F13A1: variants seen among roughly 807,000 people sequenced by gnomAD.
F13A1 encodes coagulation factor XIII A chain.
F13A1 carries 47 observed loss-of-function variants against 80.1 expected under a neutral mutation model. That is an observed-to-expected ratio of 0.59 (90% CI 0.46 to 0.75). The LOEUF is 0.75. F13A1 is among the 30% of genes least tolerant of loss of function. The probability of loss-of-function intolerance (pLI) is 0.00; values close to 1 mark genes in which losing one functional copy is unlikely to be tolerated. For missense variants in F13A1, 817 were observed against 930.4 expected (o/e 0.88, Z 1.59); for synonymous variants, 349 against 344.9 (o/e 1.01, Z -0.13).
intron 8 of F13A1, among the ~76,000 whole-genome samples, chr6:6,215,279 C>T (rs1761702634): frequency 1.6e-5 from 2 of 126,274 alleles, no homozygotes; most frequent in Admixed American, 7.9e-5. Context: ...CAAAAATCCT[C>T]AATAAAATAC....
intron 3 of F13A1, among the ~76,000 whole-genome samples, chr6:6,292,585 C>T (rs1758238824): frequency 6.6e-6 from 1 of 152,154 alleles, no homozygotes; most frequent in African/African-American, 2.4e-5. Context: ...TCACTCCCAC[C>T]CTGAAAACAC....
chr6:6,176,956 A>G (rs1760891868), intron 11 of F13A1, among the ~76,000 whole-genome samples: 1 of 152,162 alleles, frequency 6.6e-6, no homozygotes, highest in South Asian at 2.1e-4. Context: ...CTGTGAGCGG[A>G]GACCGCCAAA....
chr6:6,173,245 C>A (rs559192722), intron 12 of F13A1, among the ~76,000 whole-genome samples: 1 of 152,084 alleles, frequency 6.6e-6, no homozygotes, highest in East Asian at 1.9e-4. Context: ...GCACGTGGAC[C>A]CTGATCTGCT....
intron 10 of F13A1, among the ~76,000 whole-genome samples, chr6:6,195,031 T>C (rs1464491004): frequency 1.3e-5 from 2 of 152,240 alleles, no homozygotes; most frequent in Non-Finnish European, 2.9e-5. Context: ...GGTGCAAATA[T>C]ACCCTGGGGA....
At chr6:6,154,060 A>G (rs531744661) in intron 13 of F13A1, among the ~76,000 whole-genome samples, 50 of 150,230 alleles carry the variant, frequency 3.3e-4, no homozygotes, top group African/African-American at 1.2e-3. Flanking sequence ...TCTAAGATAG[A>G]GTGCTACTCT....
chr6:6,205,448 G>T (rs1761469145), intron 8 of F13A1, among the ~76,000 whole-genome samples: 1 of 152,198 alleles, frequency 6.6e-6, no homozygotes, highest in Non-Finnish European at 1.5e-5. Context: ...TACCAGTCCA[G>T]ATGTCCTCAC....
At chr6:6,258,686 T>A (rs555648858) in intron 4 of F13A1, among the ~76,000 whole-genome samples, 20 of 152,310 alleles carry the variant, frequency 1.3e-4, no homozygotes, top group African/African-American at 4.6e-4. Context: ...AAAAGCATAA[T>A]AAGTCTCTAA....
chr6:6,207,357 C>A lies in F13A1; in HGVS notation c.1113-10031G>T, dbSNP rs188390604. ...GCTTGTTTTTATTTGATCTGATTCACAGCTCATTCTGAATCAGCCCTATTC... is the reference window on the plus strand; with the variant it reads ...GCTTGTTTTTATTTGATCTGATTCAAAGCTCATTCTGAATCAGCCCTATTC... On this transcript the variant is annotated intron_variant, in intron 8 of 14. Coordinates refer to ENST00000264870, the MANE Select transcript of F13A1 (RefSeq NM_000129.4). 9.8e-4 allele frequency among the ~76,000 whole-genome samples: 149 copies of A among 152,302 alleles called. 2 individuals are homozygous for A. The highest frequency in any genetic ancestry group is 1.4e-3 in the Non-Finnish European group (97 of 68,014).
At chr6:6,248,167 A>G (rs1757579055) in intron 6 of F13A1, 145 bp downstream of exon 6, 1 of 740,930 alleles carries the variant, frequency 1.3e-6, no homozygotes, top group Non-Finnish European at 2.4e-6. Context: ...TCCAGGAGCT[A>G]TAACTGGGTG....
Position 6,295,453 on chromosome 6 carries a change from G to A in F13A1, c.319+9898C>T, listed in dbSNP as rs1428576531. On this transcript the variant is annotated intron_variant, in intron 3 of 14. Coordinates refer to ENST00000264870, the MANE Select transcript of F13A1 (RefSeq NM_000129.4). ...ATTGCCATTCTAACTGGTGTGAGATGGCATCTCATTGTGGTTTTGATTTGC... is the reference window on the plus strand; with the variant it reads ...ATTGCCATTCTAACTGGTGTGAGATAGCATCTCATTGTGGTTTTGATTTGC... 4.0e-5 allele frequency among the ~76,000 whole-genome samples: 6 copies of A among 148,254 alleles called. 1 individual carries two copies. Among genetic ancestry groups the A allele is most frequent in the Non-Finnish European group, 1.5e-5 (1 of 67,610 alleles).
chr6:6,180,516 A>T (rs189780261), intron 11 of F13A1, among the ~76,000 whole-genome samples: 79 of 152,316 alleles, frequency 5.2e-4, no homozygotes, highest in Admixed American at 4.8e-3. Flanking sequence ...CTTTTCTATG[A>T]ACTTGCTTTT....
intron 4 of F13A1, among the ~76,000 whole-genome samples, chr6:6,257,258 T>C (rs1393470448): frequency 6.6e-6 from 1 of 152,176 alleles, no homozygotes; most frequent in Non-Finnish European, 1.5e-5. Flanking sequence ...GGGTGGCAGA[T>C]TCTAACAGGC....
chr6:6,266,419 G>C, intron 4 of F13A1, 139 bp downstream of exon 4: 1 of 1,284,034 alleles, frequency 7.8e-7, no homozygotes, highest in Non-Finnish European at 1.1e-6. Context: ...TTATTTTTTA[G>C]AGACTAGGTC....
At chr6:6,242,788 T>G (rs925688811) in intron 6 of F13A1, among the ~76,000 whole-genome samples, 1 of 152,200 alleles carries the variant, frequency 6.6e-6, no homozygotes, top group South Asian at 2.1e-4. Flanking sequence ...AAGGGTTTCT[T>G]CAAATAATAG....
In F13A1 at chr6:6,177,750, T is replaced by C. The variant is rs144343482; in HGVS notation, c.1460-2883A>G. On this transcript the variant is annotated intron_variant, in intron 11 of 14. Transcript: ENST00000264870. ...CCCTCACTGGTGCAGAAGGAACACG[T>C]GAAGAGCAATGGCAGCACACAGGTG... is the stretch of plus-strand genomic sequence containing the variant. 8.6e-4 allele frequency among the ~76,000 whole-genome samples: 131 copies of C among 152,158 alleles called. 1 individual carries two copies. Among genetic ancestry groups the C allele is most frequent in the African/African-American group, 2.8e-3 (117 of 41,506 alleles).
chr6:6,272,367 T>A (rs961962957), intron 3 of F13A1, among the ~76,000 whole-genome samples: 2 of 152,158 alleles, frequency 1.3e-5, no homozygotes, highest in African/African-American at 2.4e-5. Flanking sequence ...ACCTCTCTCA[T>A]GCCTAGGACC....
At chr6:6,163,963 C>T (rs1760619269) in intron 13 of F13A1, among the ~76,000 whole-genome samples, 1 of 151,670 alleles carries the variant, frequency 6.6e-6, no homozygotes, top group South Asian at 2.1e-4. Context: ...TCTCCACAAC[C>T]CCACGAGTAC....
At chr6:6,173,614 G>T (rs1760816255) in intron 12 of F13A1, among the ~76,000 whole-genome samples, 1 of 151,728 alleles carries the variant, frequency 6.6e-6, no homozygotes, top group Non-Finnish European at 1.5e-5. Context: ...CACCATGTTA[G>T]TCAGGCTGGT....
rs569645585 is a variant in F13A1, at chr6:6,192,941, G to A, written c.1305+2856C>T. On this transcript the variant is annotated intron_variant, in intron 10 of 14. Coordinates refer to ENST00000264870, the MANE Select transcript of F13A1 (RefSeq NM_000129.4). Reference sequence around the variant, plus strand: ...GAGTTCTTCACTAAGAACCCCTGAGGGCTTCGTGAACATGGAATCTTGGAA... The same window carrying A: ...GAGTTCTTCACTAAGAACCCCTGAGAGCTTCGTGAACATGGAATCTTGGAA... Among the ~76,000 whole-genome samples the A allele has an allele frequency of 2.0e-5, 3 of 152,216 alleles. No individual in the cohort carries two copies. In the South Asian group the frequency reaches 6.2e-4, roughly 32 times the overall value.
Sources: allele counts gnomAD v4.1 joint callset (sites outside exome capture counted in the v4.1 genomes callset), GRCh38; gene constraint gnomAD v4.1.1; transcripts MANE v1.5; gene names NCBI Gene and HGNC (gene_info 2026-07-23, HGNC 2026-07-21).